The following FOSL1 variants were observed in gnomAD, a reference collection of about 807,000 sequenced individuals.
The protein encoded by FOSL1 is FOS like 1, AP-1 transcription factor subunit.
FOSL1 carries 14 observed loss-of-function variants against 24.9 expected under a neutral mutation model. The observed-to-expected ratio is 0.56, with a 90% CI of 0.37 to 0.88. The LOEUF is 0.88. Ranked by LOEUF, FOSL1 falls within the 40% of genes least tolerant of loss-of-function variation. FOSL1 has a pLI of 0.00. For missense variants in FOSL1, 318 were observed against 359.8 expected (o/e 0.88, Z 0.94); for synonymous variants, 133 against 145.1 (o/e 0.92, Z 0.60).
At chr11:65,896,638 G>T (rs1362579016) in intron 2 of FOSL1, among the ~76,000 whole-genome samples, 171 bp downstream of exon 2, 2 of 152,048 alleles carry the variant, frequency 1.3e-5, no homozygotes, top group Admixed American at 1.3e-4. Flanking sequence ...AGTGACTGTT[G>T]TACCCTCTGG....
At chr11:65,893,320 C>T (rs2134789786) in intron 3 of FOSL1, 24 bp from the exon 4 acceptor site, 1 of 1,572,608 alleles carries the variant, frequency 6.4e-7, no homozygotes, top group South Asian at 1.2e-5. Context: ...GGAGAGGAGT[C>T]AGAAAGGTGA....
chr11:65,895,973 C>G (rs536280577), intron 2 of FOSL1, among the ~76,000 whole-genome samples: 19 of 152,322 alleles, frequency 1.2e-4, no homozygotes, highest in African/African-American at 2.9e-4. Flanking sequence ...TACTTTGAGC[C>G]TTCTGTTAGC....
chr11:65,893,399 A>C, intron 3 of FOSL1, 103 bp from the exon 4 acceptor site: 4 of 554,766 alleles, frequency 7.2e-6, no homozygotes, highest in South Asian at 1.9e-5. Context: ...GGGCGGGGGG[A>C]GAGGGGGGGC....
chr11:65,898,653 T>G (rs1860591201), intron 1 of FOSL1, among the ~76,000 whole-genome samples: 1 of 152,164 alleles, frequency 6.6e-6, no homozygotes, highest in South Asian at 2.1e-4. Flanking sequence ...TCTGAAATCA[T>G]AGTTTAATTG....
At position 65,896,936 on chromosome 11, in the gene FOSL1, T is replaced by C; in HGVS notation, c.170A>G (p.His57Arg). The change falls in exon 2 of 4, where the codon CAT (histidine) becomes CGT (arginine). Residue 57 changes from histidine (H) to arginine (R), a missense_variant. Physicochemically the swap from His to Arg is conservative, Grantham distance 29. Coordinates refer to ENST00000312562, the MANE Select transcript of FOSL1 (RefSeq NM_005438.5). ...GGGGTAACTGCTGGGCCCCAGGAAA[T>C]GAGGCTGTACCATCCACTGCAGCTC... ...SQELQWMVQP[H>R]FLGPSSYPRP... 2 of 1,614,080 alleles carry C rather than the reference T, an allele frequency of 1.2e-6. No homozygotes were observed. Among genetic ancestry groups the C allele is most frequent in the South Asian group, 2.2e-5 (2 of 91,078 alleles).
At position 65,893,393 on chromosome 11, in the gene FOSL1, G is replaced by C. The variant is rs550744610; in HGVS notation, c.406-97C>G. 26 of 856,790 alleles carry C rather than the reference G, an allele frequency of 3.0e-5. No individual in the cohort carries two copies. The South Asian group carries it at 4.1e-4, about 14-fold the overall frequency. 53.1% of individuals were successfully genotyped at this position (856,790 alleles called of 1,614,324 possible). A position where few individuals can be genotyped will look rare whatever the true frequency, so the allele number is the denominator to read the frequency against. ...GGGTTCTGAGGAGCTGGGGTTGGGCGGGGGGAGAGGGGGGGCAGTGGAGAG... is the reference window on the plus strand; with the variant it reads ...GGGTTCTGAGGAGCTGGGGTTGGGCCGGGGGAGAGGGGGGGCAGTGGAGAG... On this transcript the variant is annotated intron_variant, in intron 3 of 3. Transcript: ENST00000312562.
chr11:65,893,993 T>C, intron 3 of FOSL1, 21 bp downstream of exon 3: 1 of 1,532,672 alleles, frequency 6.5e-7, no homozygotes, highest in Non-Finnish European at 8.9e-7. Flanking sequence ...CTGAGCTCGG[T>C]GGACCAGGGC....
chr11:65,900,457 G>C, upstream of FOSL1: 1 of 506,528 alleles, frequency 2.0e-6, no homozygotes. Flanking sequence ...TGCGACCGCG[G>C]GGGGTGGGGG....
At chr11:65,900,215 G>T in intron 1 of FOSL1, 26 bp downstream of exon 1, 28 of 1,164,734 alleles carry the variant, frequency 2.4e-5, no homozygotes, top group South Asian at 4.0e-5. Flanking sequence ...CCTCCCGTGG[G>T]ACCACCGGCG....
intron 2 of FOSL1, among the ~76,000 whole-genome samples, chr11:65,894,424 G>A (rs1860473479): frequency 6.6e-6 from 1 of 152,148 alleles, no homozygotes; most frequent in African/African-American, 2.4e-5. Context: ...CCTCCAGGAA[G>A]CCGTCTTATT....
chr11:65,897,179 T>C (rs761173304), intron 1 of FOSL1, among the ~76,000 whole-genome samples, 173 bp from the exon 2 acceptor site: 4 of 152,166 alleles, frequency 2.6e-5, no homozygotes, highest in Non-Finnish European at 5.9e-5. Context: ...GCTCATAAGC[T>C]GTGTGGCTTT....
At position 65,894,131 on chromosome 11, in the gene FOSL1, A is replaced by G. The variant is rs1265660088; in HGVS notation, c.298-10T>C. ...CTTCCTCCGGGCTGATCTGGGGGTG[A>G]GACCCGCAGTGAGGAGGACCCTGGG... On this transcript the variant is annotated splice_polypyrimidine_tract_variant and intron_variant, in intron 2 of 3. Coordinates refer to ENST00000312562, the MANE Select transcript of FOSL1 (RefSeq NM_005438.5). 5 of 1,590,368 alleles carry G rather than the reference A, an allele frequency of 3.1e-6. No individual in the cohort carries two copies. In the South Asian group the frequency reaches 4.5e-5, roughly 14 times the overall value.
At chr11:65,895,920 T>C (rs1319417376) in intron 2 of FOSL1, among the ~76,000 whole-genome samples, 1 of 152,236 alleles carries the variant, frequency 6.6e-6, no homozygotes, top group Admixed American at 6.5e-5. Flanking sequence ...TACTCACTTA[T>C]TTTGGTAAGG....
At chr11:65,895,316 C>T (rs900690989) in intron 2 of FOSL1, among the ~76,000 whole-genome samples, 1 of 151,726 alleles carries the variant, frequency 6.6e-6, no homozygotes, top group African/African-American at 2.4e-5. Flanking sequence ...AGTAGAGACA[C>T]GGTTTCATCA....
At chr11:65,893,327 G>A (rs1221780587) in intron 3 of FOSL1, 31 bp from the exon 4 acceptor site, 2 of 1,564,466 alleles carry the variant, frequency 1.3e-6, no homozygotes, top group African/African-American at 1.4e-5. Context: ...AGTCAGAAAG[G>A]TGAGGGCTGA....
rs1860534176 is a variant in FOSL1 at position 65,896,700 on chromosome 11, G to A, written c.297+109C>T. 3.3e-6 allele frequency: 3 copies of A among 911,160 alleles called. No homozygotes were observed. The African/African-American group carries it at 5.0e-5, about 15-fold the overall frequency. The allele number at this position is 911,160 out of a possible 1,614,324, so 56.4% of individuals were successfully genotyped here. The stretch of plus-strand genomic sequence containing the variant: ...CAGCCTTGGGCAGTAGTCACCTGTA[G>A]CCTACCTTACCCCCTCCTAAGCCTG... On this transcript the variant is annotated intron_variant, in intron 2 of 3. Coordinates refer to ENST00000312562, the MANE Select transcript of FOSL1 (RefSeq NM_005438.5).
Position 65,893,018 on chromosome 11 carries a change from A to C in FOSL1, c.684T>G (p.Pro228=), listed in dbSNP as rs1448465669. The change falls in exon 4 of 4, where the codon CCT becomes CCG. Residue 228 remains proline, a synonymous_variant. Transcript: ENST00000312562. ...PTLMTTPSLT[P]FTPSLVFTYP... Reference sequence around the variant, plus strand: ...AGGTGAAGACCAGGCTGGGGGTGAAAGGAGTTAGGGAGGGTGTGGTCATGA... The same window carrying C: ...AGGTGAAGACCAGGCTGGGGGTGAACGGAGTTAGGGAGGGTGTGGTCATGA... 6.2e-7 allele frequency: 1 copy of C among 1,612,214 alleles called. No individual in the cohort carries two copies. Among genetic ancestry groups the C allele is most frequent in the Admixed American group, 1.7e-5 (1 of 59,940 alleles).
At chr11:65,898,045 G>GTTTTTTT (rs71036252) in intron 1 of FOSL1, among the ~76,000 whole-genome samples, 1 of 101,840 alleles carries the variant, frequency 9.8e-6, no homozygotes, top group Non-Finnish European at 1.8e-5. Context: ...TTTCTTTTCT[G>GTTTTTTT]TTTTTTTTTT....
At chr11:65,897,118 A>G (rs2134801363) in intron 1 of FOSL1, 112 bp from the exon 2 acceptor site, 2 of 789,712 alleles carry the variant, frequency 2.5e-6, no homozygotes, top group East Asian at 2.6e-5. Context: ...AGCTCTGGGA[A>G]CAGAAAGAGC....
Sources: gnomAD v4.1 joint callset for allele counts (sites outside exome capture counted in the v4.1 genomes callset) on GRCh38, gnomAD v4.1.1 for gene constraint, MANE v1.5 for transcripts, NCBI Gene and HGNC (gene_info 2026-07-23, HGNC 2026-07-21) for gene names.